NRG3: variants seen among roughly 807,000 people sequenced by gnomAD.
NRG3 encodes the protein neuregulin 3.
In NRG3, 31 loss-of-function variants were observed where a neutral mutation model predicts 66.9. That is an observed-to-expected ratio of 0.46 (90% CI 0.35 to 0.63). The LOEUF (loss-of-function observed/expected upper bound fraction) is 0.63. Ranked by LOEUF, NRG3 falls within the 20% of genes least tolerant of loss-of-function variation. NRG3 has a pLI of 0.00. For synonymous variants in NRG3, 393 were observed against 359.4 expected (o/e 1.09, Z -1.06); for missense variants, 910 against 878.9 (o/e 1.04, Z -0.45).
At chr10:82,807,230 T>C (rs960034699) in intron 3 of NRG3, among the ~76,000 whole-genome samples, 3 of 152,226 alleles carry the variant, frequency 2.0e-5, no homozygotes, top group African/African-American at 7.2e-5. Flanking sequence ...AGTGAAATGA[T>C]ATCTAATTTT....
At chr10:82,931,008 G>A (rs954429904) in intron 4 of NRG3, among the ~76,000 whole-genome samples, 6 of 152,194 alleles carry the variant, frequency 3.9e-5, no homozygotes, top group Non-Finnish European at 8.8e-5. Context: ...ACAGGAGCCT[G>A]GAGCAGAGTA....
intron 1 of NRG3, among the ~76,000 whole-genome samples, chr10:82,040,418 A>C (rs372229041): frequency 1.7e-5 from 2 of 114,696 alleles, no homozygotes. Flanking sequence ...TATATGTAAT[A>C]TGTAATCTTT....
intron 1 of NRG3, among the ~76,000 whole-genome samples, chr10:82,002,398 C>A (rs963175656): frequency 2.0e-5 from 3 of 152,120 alleles, no homozygotes; most frequent in Admixed American, 2.0e-4. Context: ...TTCATGGACC[C>A]ACTATCCACA....
At chr10:82,109,882 T>C (rs1211833637) in intron 1 of NRG3, among the ~76,000 whole-genome samples, 2 of 152,130 alleles carry the variant, frequency 1.3e-5, no homozygotes, top group Admixed American at 6.5e-5. Flanking sequence ...TTGTAAGCAA[T>C]CAACTTGGCA....
chr10:81,927,993 T>C (rs1320827466), intron 1 of NRG3, among the ~76,000 whole-genome samples: 1 of 152,182 alleles, frequency 6.6e-6, no homozygotes, highest in African/African-American at 2.4e-5. Context: ...AAATAATAAA[T>C]TGGTTTTTAC....
chr10:82,818,860 A>T (rs1453782657), intron 3 of NRG3, among the ~76,000 whole-genome samples: 2 of 152,180 alleles, frequency 1.3e-5, no homozygotes, highest in Non-Finnish European at 2.9e-5. Flanking sequence ...TTGTGCTCTA[A>T]ATGTTAAATA....
intron 1 of NRG3, among the ~76,000 whole-genome samples, chr10:82,328,942 C>CT (rs11384870): frequency 0.02 from 3,035 of 152,220 alleles, 102 homozygotes; most frequent in African/African-American, 0.07. Context: ...ATTTCTAGTG[C>CT]TTTTTTTATT....
chr10:82,166,417 A>G (rs2072065903), intron 1 of NRG3, among the ~76,000 whole-genome samples: 2 of 152,246 alleles, frequency 1.3e-5, no homozygotes, highest in South Asian at 2.1e-4. Context: ...GATTTTTCAT[A>G]TATCTCTTTA....
intron 2 of NRG3, among the ~76,000 whole-genome samples, chr10:82,549,976 T>C (rs1484645370): frequency 1.3e-5 from 2 of 151,884 alleles, no homozygotes; most frequent in Non-Finnish European, 2.9e-5. Context: ...GAGAAGGGGG[T>C]TGGTAAAAAT....
intron 1 of NRG3, among the ~76,000 whole-genome samples, chr10:81,963,474 A>G (rs1161349504): frequency 2.0e-5 from 3 of 152,166 alleles, no homozygotes; most frequent in South Asian, 2.1e-4. Context: ...TGTTCTTTGT[A>G]TGCAGCTGTT....
chr10:82,703,330 TTAAGA>T (rs2056042797), intron 2 of NRG3, among the ~76,000 whole-genome samples: 1 of 152,194 alleles, frequency 6.6e-6, no homozygotes, highest in South Asian at 2.1e-4. Context: ...CATTTTGCAA[TTAAGA>T]TAACTACTTA....
chr10:82,557,228 A>G (rs1010793028), intron 2 of NRG3, among the ~76,000 whole-genome samples: 13 of 152,282 alleles, frequency 8.5e-5, no homozygotes, highest in African/African-American at 2.4e-4. Flanking sequence ...GCTTTCCACA[A>G]TGGTTGAACT....
At chr10:82,492,391 C>A (rs1843229812) in intron 2 of NRG3, among the ~76,000 whole-genome samples, 1 of 152,182 alleles carries the variant, frequency 6.6e-6, no homozygotes, top group Non-Finnish European at 1.5e-5. Flanking sequence ...ATAATTATTT[C>A]TTTCATTTAA....
At position 82,985,614 on chromosome 10, in the gene NRG3, G is replaced by T. The variant is rs1442565443; in HGVS notation, c.*9G>T. ...CTGCATTGACCAAGTGACTTGAGAT[G>T]TAGGAATCTGTGCATTCTATGCTTT... On this transcript the variant is annotated 3_prime_UTR_variant, in exon 9 of 9. Transcript: ENST00000372141. 1 of 1,604,666 alleles carries T rather than the reference G, an allele frequency of 6.2e-7. No individual in the cohort carries two copies. Among genetic ancestry groups the T allele is most frequent in the Non-Finnish European group, 8.5e-7 (1 of 1,178,130 alleles).
At chr10:81,975,325 C>CTATG (rs1461161619) in intron 1 of NRG3, among the ~76,000 whole-genome samples, 1 of 98,656 alleles carries the variant, frequency 1.0e-5, no homozygotes, top group African/African-American at 4.4e-5. Flanking sequence ...ATCTATCTAT[C>CTATG]TATCTATCTA....
chr10:82,128,142 G>A lies in NRG3; in HGVS notation c.824-230597G>A, dbSNP rs193142909. 1.3e-3 allele frequency among the ~76,000 whole-genome samples: 196 copies of A among 152,062 alleles called. 1 individual carries two copies. The South Asian group carries it at 0.017, about 13-fold the overall frequency. ...TCTACCCGTCGTGATTCCAATGGAA[G>A]ATAAAATGTGTGCTGGGACACATTT... On this transcript the variant is annotated intron_variant, in intron 1 of 8. Coordinates refer to ENST00000372141, the MANE Select transcript of NRG3 (RefSeq NM_001010848.4).
chr10:82,716,199 G>T (rs994763560), intron 2 of NRG3, among the ~76,000 whole-genome samples: 2 of 152,066 alleles, frequency 1.3e-5, no homozygotes, highest in Non-Finnish European at 2.9e-5. Flanking sequence ...ACAACGACAC[G>T]AAGACCTAAA....
intron 1 of NRG3, among the ~76,000 whole-genome samples, chr10:82,187,751 A>G (rs1329233719): frequency 6.6e-6 from 1 of 152,150 alleles, no homozygotes; most frequent in Non-Finnish European, 1.5e-5. Flanking sequence ...TAATTTTGGT[A>G]TATATTGAAA....
chr10:82,566,011 C>A (rs946337715), intron 2 of NRG3, among the ~76,000 whole-genome samples: 1 of 152,028 alleles, frequency 6.6e-6, no homozygotes, highest in African/African-American at 2.4e-5. Context: ...GTTGACATAA[C>A]TAGTGACTTA....
Sources: allele counts gnomAD v4.1 joint callset (sites outside exome capture counted in the v4.1 genomes callset), GRCh38; gene constraint gnomAD v4.1.1; transcripts MANE v1.5; gene names NCBI Gene and HGNC (gene_info 2026-07-23, HGNC 2026-07-21).